Variants in RPTOR observed in about 807,000 individuals in gnomAD.
The protein encoded by RPTOR is regulatory-associated protein of mTOR.
A neutral mutation model predicts 169.9 loss-of-function variants in RPTOR; 21 were observed. That is an observed-to-expected ratio of 0.12 (90% confidence interval 0.09 to 0.18). The LOEUF (loss-of-function observed/expected upper bound fraction) is 0.18. Ranked by LOEUF, RPTOR falls within the 10% of genes least tolerant of loss-of-function variation. The probability of loss-of-function intolerance (pLI) is 1.00; values close to 1 mark genes in which losing one functional copy is unlikely to be tolerated. For synonymous variants in RPTOR, 732 were observed against 753.2 expected (o/e 0.97, Z 0.46); for missense variants, 1,133 against 1,855.9 (o/e 0.61, Z 7.16).
At chr17:80,624,922 G>A (rs1191424338) in intron 1 of RPTOR, among the ~76,000 whole-genome samples, 1 of 152,188 alleles carries the variant, frequency 6.6e-6, no homozygotes, top group Non-Finnish European at 1.5e-5. Flanking sequence ...AGGTGTGATC[G>A]CAGCGTTCCC....
intron 9 of RPTOR, among the ~76,000 whole-genome samples, chr17:80,834,591 T>C (rs545787204): frequency 5.5e-4 from 84 of 152,320 alleles, no homozygotes; most frequent in Admixed American, 7.8e-4. Flanking sequence ...CCCCAGCCTT[T>C]TAGGAGCACA....
chr17:80,869,669 G>T lies in RPTOR; in HGVS notation c.1510-10746G>T, dbSNP rs555349835. 2.6e-5 allele frequency among the ~76,000 whole-genome samples: 4 copies of T among 152,312 alleles called. No individual in the cohort carries two copies. In the South Asian group the frequency reaches 8.3e-4, roughly 32 times the overall value. On this transcript the variant is annotated intron_variant, in intron 13 of 33. Transcript: ENST00000306801. ...GGAGGAGTTTGACTCCAGACTGCGT[G>T]TCAGGAGGGAGGACTGTGTCGCTGT...
At chr17:80,674,378 G>C (rs779509000) in intron 3 of RPTOR, among the ~76,000 whole-genome samples, 2 of 152,108 alleles carry the variant, frequency 1.3e-5, no homozygotes, top group Non-Finnish European at 2.9e-5. Flanking sequence ...TTTCCTTTAA[G>C]GATGTTTCTT....
chr17:80,884,046 G>C (rs560525032), intron 16 of RPTOR, 74 bp downstream of exon 16: 3 of 1,480,684 alleles, frequency 2.0e-6, no homozygotes, highest in East Asian at 2.3e-5. Flanking sequence ...GTCTGCTCGC[G>C]TGCGGGTGTG....
chr17:80,879,965 G>C (rs1021429724), intron 13 of RPTOR, among the ~76,000 whole-genome samples: 1 of 152,234 alleles, frequency 6.6e-6, no homozygotes, highest in Non-Finnish European at 1.5e-5. Flanking sequence ...CCTCACACAC[G>C]ATTGGTTTTC....
At chr17:80,815,658 G>C (rs1286080807) in intron 7 of RPTOR, among the ~76,000 whole-genome samples, 1 of 152,244 alleles carries the variant, frequency 6.6e-6, no homozygotes, top group Admixed American at 6.5e-5. Flanking sequence ...TTATCCATGG[G>C]AATTTATCTA....
At chr17:80,723,121 G>C (rs912898077) in intron 4 of RPTOR, among the ~76,000 whole-genome samples, 2 of 151,290 alleles carry the variant, frequency 1.3e-5, no homozygotes, top group Admixed American at 1.3e-4. Flanking sequence ...GGGGTGCGTG[G>C]TGTGTGTGAT....
intron 3 of RPTOR, among the ~76,000 whole-genome samples, chr17:80,652,801 G>A (rs962855367): frequency 6.6e-6 from 1 of 152,174 alleles, no homozygotes; most frequent in Non-Finnish European, 1.5e-5. Flanking sequence ...CCTCCCTGAG[G>A]CACTCCCAAT....
At chr17:80,648,227 T>C (rs1459969526) in intron 3 of RPTOR, among the ~76,000 whole-genome samples, 2 of 152,108 alleles carry the variant, frequency 1.3e-5, no homozygotes, top group Non-Finnish European at 2.9e-5. Context: ...AGCTGATGAC[T>C]ATACCTCCTG....
At chr17:80,617,818 C>T (rs953489142) in intron 1 of RPTOR, among the ~76,000 whole-genome samples, 3 of 152,094 alleles carry the variant, frequency 2.0e-5, no homozygotes, top group Non-Finnish European at 2.9e-5. Context: ...TGGCTGCGCA[C>T]GCTAGGCCTC....
Position 80,782,401 on chromosome 17 carries a change from A to AT in RPTOR, c.831-9040dup, listed in dbSNP as rs201035781. On this transcript the variant is annotated intron_variant, in intron 6 of 33. Coordinates refer to ENST00000306801, the MANE Select transcript of RPTOR (RefSeq NM_020761.3). ...TTTATTTATTTATTTTTTTATTTTT[A>AT]TTTTTTTTTAAAGAACTGAGTTTTA... Among the ~76,000 whole-genome samples the AT allele has an allele frequency of 1.4e-3, 208 of 151,228 alleles. 1 individual carries two copies. Among genetic ancestry groups the AT allele is most frequent in the Admixed American group, 2.4e-3 (36 of 15,180 alleles).
intron 2 of RPTOR, among the ~76,000 whole-genome samples, chr17:80,626,218 A>G (rs1363826988): frequency 6.6e-6 from 1 of 151,912 alleles, no homozygotes; most frequent in Non-Finnish European, 1.5e-5. Flanking sequence ...ACACCCAGCT[A>G]ATTGTTGTAT....
At chr17:80,864,326 C>T (rs2256433) in intron 13 of RPTOR, among the ~76,000 whole-genome samples, 109,330 of 134,464 alleles carry the variant, frequency 0.81, 43,612 homozygotes, top group East Asian at 0.85. Context: ...GTGAGAGTGA[C>T]GGCAGGTTTC....
intron 28 of RPTOR, among the ~76,000 whole-genome samples, chr17:80,950,544 C>CAA (rs200486266): frequency 2.0e-5 from 3 of 151,666 alleles, no homozygotes; most frequent in Non-Finnish European, 2.9e-5. Flanking sequence ...TTTCATCCAG[C>CAA]AAAAAAAATC....
At chr17:80,568,995 G>T (rs2064874903) in intron 1 of RPTOR, among the ~76,000 whole-genome samples, 1 of 152,082 alleles carries the variant, frequency 6.6e-6, no homozygotes, top group African/African-American at 2.4e-5. Flanking sequence ...CTCATCCGAT[G>T]TATTTCAAAA....
chr17:80,636,712 C>T (rs2065509632), intron 2 of RPTOR, among the ~76,000 whole-genome samples: 1 of 152,080 alleles, frequency 6.6e-6, no homozygotes, highest in African/African-American at 2.4e-5. Flanking sequence ...CCAGATCACC[C>T]ACACCCCCGC....
chr17:80,771,431 T>C (rs2143414738), intron 6 of RPTOR, among the ~76,000 whole-genome samples: 1 of 152,290 alleles, frequency 6.6e-6, no homozygotes, highest in East Asian at 1.9e-4. Context: ...CCGCTGGCCC[T>C]CCTGGGCCTC....
chr17:80,904,181 G>A (rs985155688), intron 20 of RPTOR, among the ~76,000 whole-genome samples: 8 of 152,216 alleles, frequency 5.3e-5, no homozygotes, highest in African/African-American at 1.4e-4. Flanking sequence ...CGTGATTCTC[G>A]TAACAGCCAC....
intron 6 of RPTOR, chr17:80,774,176 T>A: frequency 1.0e-6 from 1 of 985,180 alleles, no homozygotes; most frequent in Non-Finnish European, 1.2e-6. Context: ...ACTCTGGGAG[T>A]CTGGATGTCA....
Sources: allele counts gnomAD v4.1 joint callset (sites outside exome capture counted in the v4.1 genomes callset), GRCh38; gene constraint gnomAD v4.1.1; transcripts MANE v1.5; gene names NCBI Gene and HGNC (gene_info 2026-07-23, HGNC 2026-07-21).